MYOM2: variants seen among roughly 807,000 people sequenced by gnomAD.
MYOM2 encodes the protein myomesin-2.
In MYOM2, 254 loss-of-function variants were observed where a neutral mutation model predicts 187.6. The ratio of observed to expected loss-of-function variants is 1.35; its 90% CI spans 1.22 to 1.50. The LOEUF (loss-of-function observed/expected upper bound fraction) is 1.50, where lower values mean the gene tolerates loss of function less well. MYOM2 is among the 40% of genes most tolerant of loss of function. MYOM2 has a pLI of 0.00. For synonymous variants in MYOM2, 981 were observed against 753.8 expected, an observed-to-expected ratio of 1.30 and a Z score of -4.94; for missense variants, 2,796 against 1,924.0, an observed-to-expected ratio of 1.45 and a Z score of -8.48.
At chr8:2,136,812 G>A (rs757231409) in intron 32 of MYOM2, among the ~76,000 whole-genome samples, 1 of 152,174 alleles carries the variant, frequency 6.6e-6, no homozygotes, top group Non-Finnish European at 1.5e-5. Context: ...TGCTAATTGT[G>A]TGAGTAGAAT....
chr8:2,110,876 A>C (rs1797047193), intron 25 of MYOM2, among the ~76,000 whole-genome samples: 1 of 152,200 alleles, frequency 6.6e-6, no homozygotes, highest in Non-Finnish European at 1.5e-5. Context: ...TTTCTTCTCC[A>C]GTCAGTCTTT....
intron 20 of MYOM2, 101 bp downstream of exon 20, chr8:2,101,155 G>A: frequency 8.3e-7 from 1 of 1,198,340 alleles, no homozygotes; most frequent in Non-Finnish European, 1.2e-6. Context: ...AAACCAGCCT[G>A]GCCAACATGG....
In MYOM2 at chr8:2,123,233, T is replaced by G. The variant is rs528709028; in HGVS notation, c.3454-19T>G. On this transcript the variant is annotated intron_variant, in intron 28 of 36. Coordinates refer to ENST00000262113, the MANE Select transcript of MYOM2 (RefSeq NM_003970.4). Reference sequence around the variant, plus strand: ...GTCAGAATGATTTACACACTAAACTTAAGCTTTCTACCTCACAGGTTGCAA... The same window carrying G: ...GTCAGAATGATTTACACACTAAACTGAAGCTTTCTACCTCACAGGTTGCAA... 1.5e-4 allele frequency: 232 copies of G among 1,536,234 alleles called. 3 individuals carry two copies. In the South Asian group the frequency reaches 2.5e-3, roughly 17 times the overall value.
intron 15 of MYOM2, 43 bp downstream of exon 15, chr8:2,090,234 G>C (rs751499835): frequency 1.3e-6 from 2 of 1,569,590 alleles, no homozygotes; most frequent in Non-Finnish European, 8.7e-7. Context: ...GATGGACTAA[G>C]AGTGGGGTGA....
intron 24 of MYOM2, 43 bp from the exon 25 acceptor site, chr8:2,109,352 G>A: frequency 6.5e-7 from 1 of 1,546,526 alleles, no homozygotes; most frequent in Non-Finnish European, 8.7e-7. Context: ...TTCCTCACAA[G>A]GATTCATGCA....
chr8:2,091,834 C>T (rs2116735001), intron 15 of MYOM2, among the ~76,000 whole-genome samples: 1 of 152,278 alleles, frequency 6.6e-6, no homozygotes, highest in Admixed American at 6.5e-5. Flanking sequence ...GCACGGAGGA[C>T]ACAGGTGGCC....
At chr8:2,117,816 T>C in intron 27 of MYOM2, 69 bp from the exon 28 acceptor site, 2 of 1,011,620 alleles carry the variant, frequency 2.0e-6, no homozygotes, top group Non-Finnish European at 3.0e-6. Flanking sequence ...TATATATATA[T>C]AATAGCTATA....
intron 31 of MYOM2, among the ~76,000 whole-genome samples, chr8:2,125,098 C>T (rs1286326236): frequency 6.6e-6 from 1 of 152,134 alleles, no homozygotes; most frequent in Non-Finnish European, 1.5e-5. Flanking sequence ...TTGTGCAGTA[C>T]CATTTATTTA....
intron 28 of MYOM2, among the ~76,000 whole-genome samples, chr8:2,120,671 T>A (rs1352725727): frequency 5.0e-5 from 1 of 19,888 alleles, no homozygotes; most frequent in African/African-American, 1.7e-4. Context: ...TATATATATA[T>A]ATATTATATT....
At chr8:2,080,320 G>C (rs1051546970) in intron 13 of MYOM2, among the ~76,000 whole-genome samples, 1 of 152,228 alleles carries the variant, frequency 6.6e-6, no homozygotes, top group African/African-American at 2.4e-5. Context: ...CTCTCCTAGA[G>C]CTGCAGACTC....
chr8:2,078,260 G>A (rs1158683817), intron 11 of MYOM2, among the ~76,000 whole-genome samples: 1 of 152,184 alleles, frequency 6.6e-6, no homozygotes, highest in Non-Finnish European at 1.5e-5. Context: ...GCTTTCCCAG[G>A]GACCTGGGCC....
Position 2,106,411 on chromosome 8 carries a change from T to C in MYOM2, c.2891+13T>C. On this transcript the variant is annotated intron_variant, in intron 22 of 36. Coordinates refer to ENST00000262113, the MANE Select transcript of MYOM2 (RefSeq NM_003970.4). ...CCGTGGGGGATCAGTAAGTGAGGCCTGGAAGTTGGATACTGGAAACTTTTA... is the reference window on the plus strand; with the variant it reads ...CCGTGGGGGATCAGTAAGTGAGGCCCGGAAGTTGGATACTGGAAACTTTTA... 1 of 1,612,944 alleles carries C rather than the reference T, an allele frequency of 6.2e-7. No individual in the cohort carries two copies. Among genetic ancestry groups the C allele is most frequent in the Non-Finnish European group, 8.5e-7 (1 of 1,178,976 alleles).
At chr8:2,055,760 G>C (rs2053411) in intron 3 of MYOM2, among the ~76,000 whole-genome samples, 16,313 of 152,190 alleles carry the variant, frequency 0.11, 1,586 homozygotes, top group African/African-American at 0.26. Flanking sequence ...CAGAGGCCCT[G>C]CACCCTGGGT....
At chr8:2,124,090 T>C (rs1291564985) in intron 30 of MYOM2, 89 bp from the exon 31 acceptor site, 10 of 1,306,854 alleles carry the variant, frequency 7.7e-6, no homozygotes, top group Non-Finnish European at 9.7e-6. Flanking sequence ...AACATCACAA[T>C]TTCCTGCATC....
intron 15 of MYOM2, among the ~76,000 whole-genome samples, chr8:2,091,016 C>CTTTTTTTTTTTTTT (rs35873643): frequency 2.7e-4 from 23 of 86,484 alleles, no homozygotes; most frequent in East Asian, 4.2e-4. Context: ...AATGATAGTT[C>CTTTTTTTTTTTTTT]TTTTTTTTTT....
chr8:2,110,381 G>A (rs1383594508), intron 25 of MYOM2, among the ~76,000 whole-genome samples: 1 of 152,180 alleles, frequency 6.6e-6, no homozygotes, highest in Non-Finnish European at 1.5e-5. Context: ...CCTCGGTTCT[G>A]CTTTCGATTG....
intron 3 of MYOM2, among the ~76,000 whole-genome samples, chr8:2,055,244 A>C (rs916215785): frequency 8.5e-5 from 13 of 152,302 alleles, no homozygotes; most frequent in African/African-American, 3.1e-4. Flanking sequence ...GGTGTCATTC[A>C]ACATGCACAT....
At chr8:2,084,711 A>C (rs1380500065) in intron 13 of MYOM2, among the ~76,000 whole-genome samples, 1 of 152,218 alleles carries the variant, frequency 6.6e-6, no homozygotes, top group Non-Finnish European at 1.5e-5. Flanking sequence ...GAATTCAAAC[A>C]TGCAGACATA....
intron 32 of MYOM2, among the ~76,000 whole-genome samples, chr8:2,139,295 C>T (rs532338108): frequency 1.8e-4 from 27 of 152,252 alleles, no homozygotes; most frequent in Admixed American, 3.9e-4. Context: ...GTGCTTGCCA[C>T]CACACCCGGC....
Sources: gnomAD v4.1 joint callset for allele counts (sites outside exome capture counted in the v4.1 genomes callset) on GRCh38, gnomAD v4.1.1 for gene constraint, MANE v1.5 for transcripts, NCBI Gene and HGNC (gene_info 2026-07-23, HGNC 2026-07-21) for gene names.